Variants in CDHR3 observed in about 807,000 individuals in gnomAD.
CDHR3 encodes cadherin related family member 3.
A neutral mutation model predicts 86.6 loss-of-function variants in CDHR3; 79 were observed. The observed-to-expected ratio is 0.91, with a 90% CI of 0.76 to 1.10. The LOEUF (loss-of-function observed/expected upper bound fraction) is 1.10. CDHR3 is among the 50% of genes least tolerant of loss of function. The pLI, the probability that CDHR3 is intolerant of heterozygous loss-of-function variation, is 0.00. For synonymous variants in CDHR3, 421 were observed against 402.4 expected (o/e 1.05, Z -0.55); for missense variants, 1,081 against 1,077.6 (o/e 1.00, Z -0.04).
chr7:106,017,911 T>C lies in CDHR3; in HGVS notation c.1492T>C (p.Ser498Pro). The part of the protein sequence containing the change: ...KDLPQSSLLY[S>P]ISTGGASLQY... ...CCTCCCCCAGAGCAGCCTCCTGTAC[T>C]CCATCTCCACTGGAGGGGCCAGCCT... is the stretch of plus-strand genomic sequence containing the variant. The change falls in exon 12 of 19, where the codon TCC becomes CCC. Residue 498 changes from serine to proline, a missense_variant. Ser to Pro is a moderately conservative substitution (Grantham distance 74). Coordinates refer to ENST00000317716, the MANE Select transcript of CDHR3 (RefSeq NM_152750.5). The C allele has an allele frequency of 6.2e-7, 1 of 1,610,012 alleles. No individual in the cohort carries two copies. The highest frequency in any genetic ancestry group is 8.5e-7 in the Non-Finnish European group (1 of 1,177,998).
rs933091991 is a variant in CDHR3, at chr7:106,032,330, G to A, written c.2354-63G>A. 6 of 1,468,616 alleles carry A rather than the reference G, an allele frequency of 4.1e-6. No homozygotes were observed. The South Asian group carries it at 6.7e-5, about 16-fold the overall frequency. The allele number at this position is 1,468,616 out of a possible 1,614,324, so 91.0% of individuals were successfully genotyped here. A position where few individuals can be genotyped will look rare whatever the true frequency, so the allele number is the denominator to read the frequency against. On this transcript the variant is annotated intron_variant, in intron 18 of 18. Transcript: ENST00000317716. Reference sequence around the variant, plus strand: ...AGTCAGAACAGAGCAGGGTAGAAGTGGGGGAAGAGACAGTCATTGGAATTT... The same window carrying A: ...AGTCAGAACAGAGCAGGGTAGAAGTAGGGGAAGAGACAGTCATTGGAATTT...
At position 105,984,286 on chromosome 7, in the gene CDHR3, C is replaced by T. The variant is rs147339769; in HGVS notation, c.510C>T (p.Leu170=). Reference sequence around the variant, plus strand: ...AAGACACAAGCCGAAACATTCCCCTCAGTGTAAGTGTCCTTATATGGAAGA... The same window carrying T: ...AAGACACAAGCCGAAACATTCCCCTTAGTGTAAGTGTCCTTATATGGAAGA... ...DPEDTSRNIP[L]SYFLISPPKS... Residue 170 remains leucine (L), a synonymous_variant, in exon 4 of 19, where the codon CTC becomes CTT. Coordinates refer to ENST00000317716, the MANE Select transcript of CDHR3 (RefSeq NM_152750.5). The T allele has an allele frequency of 6.8e-5, 109 of 1,608,920 alleles. No homozygotes were observed. Among genetic ancestry groups the T allele is most frequent in the Non-Finnish European group, 8.9e-5 (105 of 1,176,498 alleles).
intron 6 of CDHR3, among the ~76,000 whole-genome samples, chr7:105,999,185 C>T (rs938640809): frequency 1.3e-5 from 2 of 152,236 alleles, no homozygotes; most frequent in Non-Finnish European, 2.9e-5. Flanking sequence ...CTTTGAATAG[C>T]TCTTAACTGT....
At chr7:106,027,543 G>A (rs1442847749) in intron 16 of CDHR3, 2 of 323,548 alleles carry the variant, frequency 6.2e-6, no homozygotes, top group Non-Finnish European at 6.3e-6. Context: ...AGAGAAGTGG[G>A]TAAATTGGGA....
In CDHR3 at chr7:106,020,559, G is replaced by T. The variant is rs752502931; in HGVS notation, c.1825+15G>T. On this transcript the variant is annotated intron_variant, in intron 13 of 18. Coordinates refer to ENST00000317716, the MANE Select transcript of CDHR3 (RefSeq NM_152750.5). Reference sequence around the variant, plus strand: ...CATTGGCCCAGGTATAGTACTTGGTGTCGACAATCCTGGCCCTGTCTCTGA... The same window carrying T: ...CATTGGCCCAGGTATAGTACTTGGTTTCGACAATCCTGGCCCTGTCTCTGA... 6.2e-7 allele frequency: 1 copy of T among 1,606,634 alleles called. No individual in the cohort carries two copies. Among genetic ancestry groups the T allele is most frequent in the Admixed American group, 1.7e-5 (1 of 59,722 alleles).
chr7:105,969,631 T>C (rs2115609219), intron 1 of CDHR3, among the ~76,000 whole-genome samples: 1 of 152,262 alleles, frequency 6.6e-6, no homozygotes, highest in African/African-American at 2.4e-5. Context: ...AATTCCAAGA[T>C]ATTTGTGCAT....
chr7:106,015,341 C>T, intron 10 of CDHR3, 128 bp downstream of exon 10: 1 of 702,234 alleles, frequency 1.4e-6, no homozygotes, highest in Non-Finnish European at 2.3e-6. Flanking sequence ...CGGGGACCCC[C>T]TCTTTCTCGG....
intron 17 of CDHR3, among the ~76,000 whole-genome samples, chr7:106,029,660 C>T (rs1000706332): frequency 4.6e-5 from 7 of 152,036 alleles, no homozygotes; most frequent in African/African-American, 1.2e-4. Flanking sequence ...CCTACCCCCA[C>T]GAATAAGGCT....
chr7:106,028,318 AC>A (rs1394113374), intron 16 of CDHR3: 1 of 547,378 alleles, frequency 1.8e-6, no homozygotes, highest in East Asian at 3.2e-5. Flanking sequence ...AGAATAAAAA[AC>A]AACTAAATTG....
chr7:105,971,246 T>A (rs1827927046), intron 1 of CDHR3, among the ~76,000 whole-genome samples: 2 of 151,954 alleles, frequency 1.3e-5, no homozygotes, highest in African/African-American at 4.8e-5. Context: ...TTTTAAGGAT[T>A]CATTTGCATG....
At position 105,997,701 on chromosome 7, in the gene CDHR3, G is replaced by T. The variant is rs1285317597; in HGVS notation, c.713+1347G>T. Among the ~76,000 whole-genome samples, 12 of 152,196 alleles carry T rather than the reference G, an allele frequency of 7.9e-5. No homozygotes were observed. In the East Asian group the frequency reaches 2.3e-3, roughly 29 times the overall value. ...GGGAGGAGGGGAGGAAGGTTAATGG[G>T]GTTTCAAAGGGGAAAATAATAAGTC... On this transcript the variant is annotated intron_variant, in intron 6 of 18. Transcript: ENST00000317716.
chr7:106,024,891 C>T (rs10488047), intron 15 of CDHR3, among the ~76,000 whole-genome samples: 15,579 of 152,108 alleles, frequency 0.1, 1,040 homozygotes, highest in Middle Eastern at 0.17. Context: ...TTGTAAATAG[C>T]GATAGAATAT....
intron 7 of CDHR3, 146 bp downstream of exon 7, chr7:106,001,756 T>C (rs1262594528): frequency 2.1e-6 from 2 of 974,368 alleles, no homozygotes; most frequent in Non-Finnish European, 3.1e-6. Flanking sequence ...AAGTTTCTTC[T>C]ATAAAATGGC....
chr7:106,035,571 T>C lies in CDHR3; in HGVS notation c.*2874T>C, dbSNP rs965461654. On this transcript the variant is annotated 3_prime_UTR_variant, in exon 19 of 19. Transcript: ENST00000317716. ...TTGAAAACCAAAGTACACTCCACAG[T>C]GTGGGAACGGGCCTGAGCAAGTGAC... 1.3e-5 allele frequency among the ~76,000 whole-genome samples: 2 copies of C among 152,132 alleles called. No homozygotes were observed. The highest frequency in any genetic ancestry group is 4.8e-5 in the African/African-American group (2 of 41,422).
At chr7:106,019,219 A>C (rs79977300) in intron 12 of CDHR3, among the ~76,000 whole-genome samples, 6,171 of 152,284 alleles carry the variant, frequency 0.041, 172 homozygotes, top group South Asian at 0.13. Context: ...CTCCGTGTCC[A>C]TATTTCTCTA....
chr7:106,028,865 A>G (rs1248233944), intron 17 of CDHR3, among the ~76,000 whole-genome samples: 1 of 152,224 alleles, frequency 6.6e-6, no homozygotes. Flanking sequence ...GAGTTGAGGG[A>G]GTGAAGCTTA....
Position 106,033,828 on chromosome 7 carries a change from T to A in CDHR3, c.*1131T>A, listed in dbSNP as rs965788423. The stretch of plus-strand genomic sequence containing the variant: ...ACATAAACACTCACTTTTTTGCTCA[T>A]ATATCTAAGAGTGGGATTGCTGGAG... On this transcript the variant is annotated 3_prime_UTR_variant, in exon 19 of 19. Coordinates refer to ENST00000317716, the MANE Select transcript of CDHR3 (RefSeq NM_152750.5). 1.3e-5 allele frequency: 2 copies of A among 152,218 alleles called. No homozygotes were observed. The highest frequency in any genetic ancestry group is 4.8e-5 in the African/African-American group (2 of 41,454). The allele number at this position is 152,218 out of a possible 1,614,324, so 9.4% of individuals were successfully genotyped here. A position where few individuals can be genotyped will look rare whatever the true frequency, so the allele number is the denominator to read the frequency against.
chr7:105,978,306 C>T (rs930751198), intron 2 of CDHR3, among the ~76,000 whole-genome samples: 22 of 152,194 alleles, frequency 1.4e-4, no homozygotes, highest in African/African-American at 5.1e-4. Flanking sequence ...TGCCAGCTGG[C>T]TGCGGAGAGA....
chr7:106,016,079 C>T (rs545188607), intron 11 of CDHR3, 54 bp downstream of exon 11: 234 of 1,230,230 alleles, frequency 1.9e-4, no homozygotes, highest in Middle Eastern at 5.1e-4. Context: ...TCCATCCAAA[C>T]GTGTGTTCTG....
Sources: gnomAD v4.1 joint callset for allele counts (sites outside exome capture counted in the v4.1 genomes callset) on GRCh38, gnomAD v4.1.1 for gene constraint, MANE v1.5 for transcripts, NCBI Gene and HGNC (gene_info 2026-07-23, HGNC 2026-07-21) for gene names.